ARHGAP26: variants seen among roughly 807,000 people sequenced by gnomAD.
ARHGAP26 encodes the protein Rho GTPase activating protein 26, also known as rho GTPase-activating protein 26.
In ARHGAP26, 38 loss-of-function variants were observed where a neutral mutation model predicts 104.8. The observed-to-expected ratio is 0.36, with a 90% CI of 0.28 to 0.48. The LOEUF is 0.48. Among genes scored for constraint, ARHGAP26 ranks in the 20% least tolerant of loss-of-function variants. ARHGAP26 has a pLI of 0.99. For synonymous variants in ARHGAP26, 341 were observed against 340.0 expected (o/e 1.00, Z -0.03); for missense variants, 704 against 947.9 (o/e 0.74, Z 3.38).
At chr5:143,065,903 T>C (rs1787409980) in intron 17 of ARHGAP26, among the ~76,000 whole-genome samples, 1 of 152,348 alleles carries the variant, frequency 6.6e-6, no homozygotes, top group South Asian at 2.1e-4. Context: ...CAACAGCCTC[T>C]TTGAAGATGG....
intron 17 of ARHGAP26, among the ~76,000 whole-genome samples, chr5:143,103,658 G>A (rs570367586): frequency 1.3e-5 from 2 of 152,144 alleles, no homozygotes; most frequent in African/African-American, 4.8e-5. Context: ...GGACATGGAT[G>A]AAGCTGGAAA....
intron 1 of ARHGAP26, among the ~76,000 whole-genome samples, chr5:142,828,095 A>G (rs1767654683): frequency 6.6e-6 from 1 of 152,172 alleles, no homozygotes; most frequent in South Asian, 2.1e-4. Context: ...GTTTCCCTGG[A>G]TCAAGTTTCC....
chr5:142,895,589 G>A (rs1759369293), intron 6 of ARHGAP26, among the ~76,000 whole-genome samples: 2 of 152,116 alleles, frequency 1.3e-5, no homozygotes, highest in South Asian at 4.1e-4. Context: ...GAAAGGAGTG[G>A]CCACTCTTTC....
Position 142,770,816 on chromosome 5 carries a change from C to A in ARHGAP26, c.55C>A (p.Arg19=), listed in dbSNP as rs1268420395. Reference sequence around the variant, plus strand: ...CTGCTGCCTCGATAGTCCGCACTTCCGAGAGACGCTCAAGTCGCACGAAGC... The same window carrying A: ...CTGCTGCCTCGATAGTCCGCACTTCAGAGAGACGCTCAAGTCGCACGAAGC... The part of the protein sequence containing the change: ...SDCCLDSPHF[R]ETLKSHEAEL... The change falls in exon 1 of 23, where the codon CGA becomes AGA. Residue 19 remains arginine (R), a synonymous_variant. Transcript: ENST00000645722. 6.2e-7 allele frequency: 1 copy of A among 1,609,106 alleles called. No homozygotes were observed. Among genetic ancestry groups the A allele is most frequent in the Non-Finnish European group, 8.5e-7 (1 of 1,177,700 alleles).
intron 17 of ARHGAP26, among the ~76,000 whole-genome samples, chr5:143,118,290 AAC>A (rs1331678733): frequency 6.6e-6 from 1 of 152,204 alleles, no homozygotes; most frequent in East Asian, 1.9e-4. Flanking sequence ...TAATCTGTAC[AAC>A]ATTCACATGA....
intron 1 of ARHGAP26, among the ~76,000 whole-genome samples, chr5:142,854,201 T>G (rs918257788): frequency 6.6e-6 from 1 of 152,252 alleles, no homozygotes; most frequent in Non-Finnish European, 1.5e-5. Context: ...GAATTCTTAA[T>G]GCCTGTCTCT....
At chr5:142,972,937 TG>T (rs1450489883) in intron 11 of ARHGAP26, among the ~76,000 whole-genome samples, 5 of 152,196 alleles carry the variant, frequency 3.3e-5, no homozygotes, top group South Asian at 2.1e-4. Context: ...TTTTCTGTGA[TG>T]TTTTTAAAAT....
At chr5:142,918,215 T>C (rs1180868138) in intron 10 of ARHGAP26, among the ~76,000 whole-genome samples, 3 of 152,066 alleles carry the variant, frequency 2.0e-5, no homozygotes, top group Non-Finnish European at 4.4e-5. Flanking sequence ...GGTGTGATCT[T>C]GGCTCACTGC....
intron 11 of ARHGAP26, among the ~76,000 whole-genome samples, chr5:143,012,566 T>TAC (rs1208078593): frequency 2.4e-5 from 2 of 84,336 alleles, no homozygotes; most frequent in Admixed American, 1.4e-4. Flanking sequence ...TATATATATA[T>TAC]ATATATATAT....
At chr5:143,188,615 G>A (rs1805478844) in intron 20 of ARHGAP26, among the ~76,000 whole-genome samples, 2 of 152,148 alleles carry the variant, frequency 1.3e-5, no homozygotes, top group Admixed American at 1.3e-4. Flanking sequence ...ACATGCTGTG[G>A]GGTTTTGGGG....
At chr5:143,115,831 A>G (rs1294481858) in intron 17 of ARHGAP26, among the ~76,000 whole-genome samples, 1 of 152,292 alleles carries the variant, frequency 6.6e-6, no homozygotes, top group East Asian at 1.9e-4. Flanking sequence ...CCAGCTGTTA[A>G]TGTCTGTCTT....
chr5:143,196,852 T>C (rs1049698838), intron 20 of ARHGAP26, among the ~76,000 whole-genome samples: 1 of 152,238 alleles, frequency 6.6e-6, no homozygotes, highest in African/African-American at 2.4e-5. Context: ...TTTGCTGCTC[T>C]GCACATGTCC....
intron 1 of ARHGAP26, among the ~76,000 whole-genome samples, chr5:142,855,373 A>T (rs991641201): frequency 3.3e-5 from 5 of 152,120 alleles, no homozygotes; most frequent in Admixed American, 2.6e-4. Flanking sequence ...TCTGAGATGA[A>T]ATGAAGTGGA....
chr5:143,094,133 TC>T (rs1791915130), intron 17 of ARHGAP26, among the ~76,000 whole-genome samples: 1 of 152,222 alleles, frequency 6.6e-6, no homozygotes, highest in South Asian at 2.1e-4. Context: ...CTTTCCCTAA[TC>T]CCGACTAAGG....
At chr5:142,860,476 C>T (rs907240941) in intron 1 of ARHGAP26, 1 of 152,246 alleles carries the variant, frequency 6.6e-6, no homozygotes, top group Non-Finnish European at 1.5e-5. Flanking sequence ...CCAGCTGCCT[C>T]TTCTGTGGGA....
At chr5:143,195,823 TG>T (rs1307568195) in intron 20 of ARHGAP26, among the ~76,000 whole-genome samples, 1 of 151,876 alleles carries the variant, frequency 6.6e-6, no homozygotes, top group Non-Finnish European at 1.5e-5. Context: ...TTTTTTTTTT[TG>T]TAATATTTAT....
intron 1 of ARHGAP26, among the ~76,000 whole-genome samples, chr5:142,806,499 G>A (rs2151990121): frequency 6.6e-6 from 1 of 152,166 alleles, no homozygotes; most frequent in East Asian, 1.9e-4. Context: ...GTGTGTGTGT[G>A]TGTGTGTGTT....
chr5:142,967,376 C>T (rs1349396453), intron 11 of ARHGAP26, among the ~76,000 whole-genome samples: 2 of 152,160 alleles, frequency 1.3e-5, no homozygotes, highest in South Asian at 2.1e-4. Flanking sequence ...TCCCAGCCTC[C>T]GATACCCACC....
chr5:143,059,541 T>G (rs951943844), intron 17 of ARHGAP26, among the ~76,000 whole-genome samples: 12 of 152,212 alleles, frequency 7.9e-5, no homozygotes, highest in African/African-American at 2.9e-4. Flanking sequence ...ATGACTCACT[T>G]TCTCCTCCTT....
Sources: allele counts gnomAD v4.1 joint callset (sites outside exome capture counted in the v4.1 genomes callset), GRCh38; gene constraint gnomAD v4.1.1; transcripts MANE v1.5; gene names NCBI Gene and HGNC (gene_info 2026-07-23, HGNC 2026-07-21).